SLC8A1: variants seen among roughly 807,000 people sequenced by gnomAD.
SLC8A1 encodes the protein solute carrier family 8 member A1.
Under a neutral mutation model 68.3 loss-of-function variants are expected in SLC8A1, and 18 were observed. That is an observed-to-expected ratio of 0.26 (90% CI 0.18 to 0.39). The LOEUF is 0.39. Ranked by LOEUF, SLC8A1 falls within the 10% of genes least tolerant of loss-of-function variation. The pLI is 1.00. For synonymous variants in SLC8A1, 475 were observed against 415.5 expected (o/e 1.14, Z -1.74); for missense variants, 985 against 1,156.7 (o/e 0.85, Z 2.15).
At chr2:40,194,850 T>G (rs1641457) in intron 2 of SLC8A1, among the ~76,000 whole-genome samples, 41,002 of 151,530 alleles carry the variant, frequency 0.27, 5,960 homozygotes, top group African/African-American at 0.36. Context: ...GTAGTGCAGG[T>G]AGTAGGATAT....
intron 2 of SLC8A1, among the ~76,000 whole-genome samples, chr2:40,376,445 G>A (rs1255559472): frequency 7.2e-5 from 11 of 152,054 alleles, no homozygotes; most frequent in Non-Finnish European, 1.5e-4. Context: ...TTCCACATTT[G>A]TTTACAAACA....
At chr2:40,346,324 AT>A (rs1669291770) in intron 2 of SLC8A1, among the ~76,000 whole-genome samples, 1 of 152,174 alleles carries the variant, frequency 6.6e-6, no homozygotes, top group Non-Finnish European at 1.5e-5. Flanking sequence ...TTCTTACCAC[AT>A]AATGAGAAAA....
In SLC8A1 at chr2:40,183,340, A is replaced by G. The variant is rs1223354315; in HGVS notation, c.1809-5485T>C. 4.6e-5 allele frequency among the ~76,000 whole-genome samples: 7 copies of G among 152,244 alleles called. No homozygotes were observed. The South Asian group carries it at 1.4e-3, about 32-fold the overall frequency. On this transcript the variant is annotated intron_variant, in intron 2 of 7. Transcript: ENST00000406785. ...ACGAGTTTTATTGTTTCGTATTTACATTAACAAAGAATGACTGTATGAACA... is the reference window on the plus strand; with the variant it reads ...ACGAGTTTTATTGTTTCGTATTTACGTTAACAAAGAATGACTGTATGAACA...
At chr2:40,491,557 T>A (rs1473928548) in intron 1 of SLC8A1, among the ~76,000 whole-genome samples, 3 of 152,138 alleles carry the variant, frequency 2.0e-5, no homozygotes, top group African/African-American at 2.4e-5. Flanking sequence ...ATCCCTGTCT[T>A]GTGCCAGTTT....
chr2:40,384,854 G>A (rs9679652), intron 2 of SLC8A1, among the ~76,000 whole-genome samples: 12 of 151,830 alleles, frequency 7.9e-5, no homozygotes, highest in Admixed American at 7.2e-4. Flanking sequence ...CTTTTCTGTG[G>A]TCAGATGAGT....
chr2:40,474,382 CA>C (rs1704160704), intron 1 of SLC8A1, among the ~76,000 whole-genome samples: 1 of 152,114 alleles, frequency 6.6e-6, no homozygotes, highest in African/African-American at 2.4e-5. Flanking sequence ...TACTCTTGGA[CA>C]AAAACATAAA....
At chr2:40,192,530 T>C (rs918050) in intron 2 of SLC8A1, among the ~76,000 whole-genome samples, 79,402 of 151,932 alleles carry the variant, frequency 0.52, 21,789 homozygotes, top group Non-Finnish European at 0.61. Flanking sequence ...TTAACTTACA[T>C]AGAATACTAA....
At chr2:40,391,013 T>C (rs1386427554) in intron 2 of SLC8A1, among the ~76,000 whole-genome samples, 1 of 152,048 alleles carries the variant, frequency 6.6e-6, no homozygotes, top group Non-Finnish European at 1.5e-5. Flanking sequence ...CTAGAAAGAT[T>C]ACTGACAAGA....
chr2:40,482,362 A>G (rs1354277092), intron 1 of SLC8A1, among the ~76,000 whole-genome samples: 1 of 152,152 alleles, frequency 6.6e-6, no homozygotes, highest in African/African-American at 2.4e-5. Context: ...AGCTTATACA[A>G]TATGGGGCCT....
chr2:40,222,555 A>G (rs2058471428), intron 2 of SLC8A1, among the ~76,000 whole-genome samples: 1 of 152,258 alleles, frequency 6.6e-6, no homozygotes, highest in African/African-American at 2.4e-5. Flanking sequence ...AAGCTTCTGC[A>G]CAGCAAAAGA....
At chr2:40,318,048 A>AC (rs2074705127) in intron 2 of SLC8A1, among the ~76,000 whole-genome samples, 1 of 152,090 alleles carries the variant, frequency 6.6e-6, no homozygotes, top group African/African-American at 2.4e-5. Flanking sequence ...GAAAGAAGGC[A>AC]CTAAATATGG....
At chr2:40,379,619 G>A (rs949079342) in intron 2 of SLC8A1, among the ~76,000 whole-genome samples, 1 of 150,964 alleles carries the variant, frequency 6.6e-6, no homozygotes, top group Admixed American at 6.6e-5. Context: ...CCAGACTAAT[G>A]TTTCCATAGC....
exon 8 of SLC8A1, chr2:40,102,098 T>C (rs995578856): frequency 1.3e-5 from 2 of 152,164 alleles, no homozygotes; most frequent in Non-Finnish European, 2.9e-5. Flanking sequence ...TTGTGCTAGT[T>C]TAATTATAGA....
At chr2:40,467,785 C>A (rs1395559846) in intron 1 of SLC8A1, among the ~76,000 whole-genome samples, 1 of 152,094 alleles carries the variant, frequency 6.6e-6, no homozygotes, top group East Asian at 1.9e-4. Flanking sequence ...TGTTCACCAT[C>A]CTTATCTATT....
At chr2:40,174,147 C>A (rs1029147685) in intron 4 of SLC8A1, among the ~76,000 whole-genome samples, 3 of 151,920 alleles carry the variant, frequency 2.0e-5, no homozygotes, top group African/African-American at 7.3e-5. Flanking sequence ...CCAGAGAAAC[C>A]CTCAGATTGG....
At chr2:40,118,772 G>C (rs1354350565) in intron 7 of SLC8A1, among the ~76,000 whole-genome samples, 1 of 151,982 alleles carries the variant, frequency 6.6e-6, no homozygotes, top group African/African-American at 2.4e-5. Flanking sequence ...CTGGCTGGTG[G>C]TGAACAGATG....
At chr2:40,332,533 C>T (rs1415483387) in intron 2 of SLC8A1, among the ~76,000 whole-genome samples, 1 of 152,072 alleles carries the variant, frequency 6.6e-6, no homozygotes, top group Admixed American at 6.6e-5. Context: ...TTATTCTGAC[C>T]TTGTGCTCTA....
chr2:40,392,701 CTT>C (rs970834045), intron 2 of SLC8A1, among the ~76,000 whole-genome samples: 4 of 151,974 alleles, frequency 2.6e-5, no homozygotes, highest in Non-Finnish European at 4.4e-5. Flanking sequence ...CACATTCCCT[CTT>C]GTTTGTTAGT....
intron 2 of SLC8A1, among the ~76,000 whole-genome samples, chr2:40,340,668 T>A (rs1232961712): frequency 6.6e-6 from 1 of 152,278 alleles, no homozygotes; most frequent in African/African-American, 2.4e-5. Context: ...AGAACTCTCT[T>A]ATCAGAAGGA....
Sources: gnomAD v4.1 joint callset for allele counts (sites outside exome capture counted in the v4.1 genomes callset) on GRCh38, gnomAD v4.1.1 for gene constraint, MANE v1.5 for transcripts, NCBI Gene and HGNC (gene_info 2026-07-23, HGNC 2026-07-21) for gene names.